Variants in LRP12 observed in about 807,000 individuals in gnomAD.
LRP12 encodes the protein low-density lipoprotein receptor-related protein 12.
Under a neutral mutation model 66.0 loss-of-function variants are expected in LRP12, and 14 were observed. The observed-to-expected ratio is 0.21, with a 90% CI of 0.14 to 0.33. The LOEUF (loss-of-function observed/expected upper bound fraction) is 0.33. LRP12 is among the 10% of genes least tolerant of loss of function. The pLI is 1.00. For missense variants in LRP12, 889 were observed against 1,053.4 expected, an observed-to-expected ratio of 0.84 and a Z score of 2.16; for synonymous variants, 357 against 359.1, an observed-to-expected ratio of 0.99 and a Z score of 0.07.
chr8:104,568,532 C>T (rs547778941), intron 1 of LRP12, among the ~76,000 whole-genome samples: 5 of 152,148 alleles, frequency 3.3e-5, no homozygotes, highest in Admixed American at 1.3e-4. Context: ...TATCAGATAA[C>T]GGGGTTAATA....
At position 104,491,152 on chromosome 8, in the gene LRP12, G is replaced by C; in HGVS notation, c.2101C>G (p.Arg701Gly). The C allele has an allele frequency of 6.2e-7, 1 of 1,614,004 alleles. No homozygotes were observed. The highest frequency in any genetic ancestry group is 1.1e-5 in the South Asian group (1 of 91,064). Residue 701 changes from arginine (R) to glycine (G), a missense_variant, in exon 7 of 7, where the codon CGA becomes GGA. By Grantham distance (125) the Arg-to-Gly change is moderately radical. This residue lies in a region of LRP12 where 800 missense variants were observed against 964.5 expected (regional missense o/e 0.83). Transcript: ENST00000276654. Reference protein sequence around the residue: ...ACASSSTQSTRGGHADNGRDV... With the variant: ...ACASSSTQSTGGGHADNGRDV... ...CTTCCATTATCTGCATGACCACCTC[G>C]GGTACTCTGAGTTGAGGAACTTGCA... is the stretch of plus-strand genomic sequence containing the variant.
intron 2 of LRP12, among the ~76,000 whole-genome samples, chr8:104,523,460 T>A (rs7842135): frequency 6.6e-6 from 1 of 152,162 alleles, no homozygotes; most frequent in East Asian, 1.9e-4. Context: ...ATTAATTATA[T>A]GACATACTAT....
chr8:104,588,635 T>G (rs1812375309), intron 1 of LRP12, among the ~76,000 whole-genome samples, 184 bp downstream of exon 1: 1 of 151,704 alleles, frequency 6.6e-6, no homozygotes, highest in Non-Finnish European at 1.5e-5. Context: ...GGTGGACGAG[T>G]GGAGAAAAGC....
rs1811670036 is a variant in LRP12 at position 104,548,539 on chromosome 8, T to C, written c.80-16576A>G. Among the ~76,000 whole-genome samples, 2 of 134,154 alleles carry C rather than the reference T, an allele frequency of 1.5e-5. 1 individual carries two copies. Among genetic ancestry groups the C allele is most frequent in the African/African-American group, 5.6e-5 (2 of 35,472 alleles). 88.0% of individuals were successfully genotyped at this position (134,154 alleles called of 152,430 possible). On this transcript the variant is annotated intron_variant, in intron 1 of 6. Transcript: ENST00000276654. ...ATTTTGTATCTAATATATAATTCTA[T>C]GTTATATTTTGTATATGATATAGAA... is the stretch of plus-strand genomic sequence containing the variant.
At chr8:104,528,137 AGGT>A (rs1811268869) in intron 2 of LRP12, among the ~76,000 whole-genome samples, 1 of 152,208 alleles carries the variant, frequency 6.6e-6, no homozygotes, top group Admixed American at 6.5e-5. Flanking sequence ...TGATAACACT[AGGT>A]GCAGACAATT....
At chr8:104,579,192 G>A (rs1023757737) in intron 1 of LRP12, among the ~76,000 whole-genome samples, 33 of 151,978 alleles carry the variant, frequency 2.2e-4, no homozygotes, top group East Asian at 5.8e-4. Flanking sequence ...CCATAGTCTC[G>A]GGCCCAAAGC....
intron 1 of LRP12, among the ~76,000 whole-genome samples, chr8:104,548,107 T>A (rs560493890): frequency 8.7e-6 from 1 of 114,852 alleles, no homozygotes; most frequent in African/African-American, 3.4e-5. Context: ...ATAATTCTGT[T>A]ATATTATATT....
intron 2 of LRP12, among the ~76,000 whole-genome samples, chr8:104,515,945 G>A (rs1305714369): frequency 6.6e-6 from 1 of 151,744 alleles, no homozygotes; most frequent in Non-Finnish European, 1.5e-5. Flanking sequence ...ATAAAGATGG[G>A]GTCTCCCTAT....
At chr8:104,548,213 ATT>A (rs1478804909) in intron 1 of LRP12, among the ~76,000 whole-genome samples, 38 of 100,270 alleles carry the variant, frequency 3.8e-4, no homozygotes, top group Non-Finnish European at 5.1e-4. Context: ...ATATATTTAT[ATT>A]AATATATGAT....
intron 1 of LRP12, among the ~76,000 whole-genome samples, chr8:104,552,405 C>T (rs1811741709): frequency 6.8e-6 from 1 of 146,622 alleles, no homozygotes; most frequent in South Asian, 2.2e-4. Context: ...CGTGGTGGTT[C>T]ATGCCTGTAA....
At position 104,548,160 on chromosome 8, in the gene LRP12, T is replaced by TTATATATAATA. The variant is rs1564141787; in HGVS notation, c.80-16198_80-16197insTATTATATATA. On this transcript the variant is annotated intron_variant, in intron 1 of 6. Transcript: ENST00000276654. Reference sequence around the variant, plus strand: ...TTATAATTATATTATATATTAATAATTATTATATATAATATAATATATAAT... The same window carrying TTATATATAATA: ...TTATAATTATATTATATATTAATAATTATATATAATATATTATATATAATATAATATATAAT... Among the ~76,000 whole-genome samples, 92 of 57,292 alleles carry TTATATATAATA rather than the reference T, an allele frequency of 1.6e-3. 1 individual carries two copies. The highest frequency in any genetic ancestry group is 7.2e-3 in the African/African-American group (84 of 11,660). 37.6% of individuals were successfully genotyped at this position (57,292 alleles called of 152,430 possible).
chr8:104,493,066 C>T (rs1810662568), intron 6 of LRP12, among the ~76,000 whole-genome samples: 1 of 152,078 alleles, frequency 6.6e-6, no homozygotes, highest in African/African-American at 2.4e-5. Context: ...CTGACTTTAA[C>T]ATTTGGTTTG....
At chr8:104,566,454 T>C (rs1812005766) in intron 1 of LRP12, 1 of 204,662 alleles carries the variant, frequency 4.9e-6, no homozygotes, top group Admixed American at 4.9e-5. Context: ...CTTTGGTGGG[T>C]TGATAGGAAA....
At chr8:104,537,522 A>C (rs1167319086) in intron 1 of LRP12, among the ~76,000 whole-genome samples, 1 of 152,136 alleles carries the variant, frequency 6.6e-6, no homozygotes, top group Admixed American at 6.6e-5. Flanking sequence ...AGACCTTGAT[A>C]AACACATGGG....
chr8:104,563,820 C>T (rs868559614), intron 1 of LRP12, among the ~76,000 whole-genome samples: 3 of 152,100 alleles, frequency 2.0e-5, no homozygotes, highest in South Asian at 4.2e-4. Context: ...ACTTCCCAGC[C>T]GCCAGAACTG....
intron 2 of LRP12, among the ~76,000 whole-genome samples, chr8:104,529,947 T>A (rs1408264314): frequency 6.6e-6 from 1 of 152,192 alleles, no homozygotes; most frequent in Non-Finnish European, 1.5e-5. Context: ...TCTCCTAGTA[T>A]GTCAAACAAA....
At chr8:104,576,946 C>G (rs1468801287) in intron 1 of LRP12, among the ~76,000 whole-genome samples, 1 of 151,886 alleles carries the variant, frequency 6.6e-6, no homozygotes. Context: ...AAAAAGCAAT[C>G]CTAGTTTCAG....
chr8:104,568,923 G>GT, intron 1 of LRP12, among the ~76,000 whole-genome samples: 1 of 152,266 alleles, frequency 6.6e-6, no homozygotes, highest in Non-Finnish European at 1.5e-5. Context: ...CCACTCCTCT[G>GT]TATATACCCA....
At chr8:104,523,756 G>C (rs1026669557) in intron 2 of LRP12, among the ~76,000 whole-genome samples, 6 of 152,120 alleles carry the variant, frequency 3.9e-5, no homozygotes. Flanking sequence ...GACATTACAA[G>C]AAAAAGCCGA....
Sources: gnomAD v4.1 joint callset for allele counts (sites outside exome capture counted in the v4.1 genomes callset) on GRCh38, gnomAD v4.1.1 for gene constraint, gnomAD v4.1.1 regional missense constraint, MANE v1.5 for transcripts, NCBI Gene and HGNC (gene_info 2026-07-23, HGNC 2026-07-21) for gene names.